RAB11FIP4: variants seen among roughly 807,000 people sequenced by gnomAD.
RAB11FIP4 encodes the protein rab11 family-interacting protein 4.
RAB11FIP4 carries 23 observed loss-of-function variants against 74.3 expected under a neutral mutation model. The observed-to-expected ratio is 0.31, with a 90% CI of 0.22 to 0.44. The LOEUF is 0.44. Ranked by LOEUF, RAB11FIP4 falls within the 20% of genes least tolerant of loss-of-function variation. The pLI is 1.00. For missense variants in RAB11FIP4, 630 were observed against 863.9 expected (o/e 0.73, Z 3.39); for synonymous variants, 360 against 359.9 (o/e 1.00, Z 0.00).
At chr17:31,509,765 G>T (rs993113533) in intron 3 of RAB11FIP4, among the ~76,000 whole-genome samples, 3 of 152,284 alleles carry the variant, frequency 2.0e-5, no homozygotes, top group South Asian at 4.2e-4. Context: ...CTCGTGACCT[G>T]GCGACCTGGT....
chr17:31,435,591 C>T (rs2071349870), intron 3 of RAB11FIP4, among the ~76,000 whole-genome samples: 1 of 152,212 alleles, frequency 6.6e-6, no homozygotes, highest in South Asian at 2.1e-4. Flanking sequence ...GGTGCCTCCT[C>T]TGGACCCCAA....
intron 8 of RAB11FIP4, 22 bp from the exon 9 acceptor site, chr17:31,523,871 C>G: frequency 1.3e-6 from 2 of 1,578,536 alleles, no homozygotes; most frequent in Non-Finnish European, 1.7e-6. Context: ...CTTCTCCACC[C>G]CACCCCGGCC....
intron 3 of RAB11FIP4, among the ~76,000 whole-genome samples, chr17:31,458,512 G>T (rs549883367): frequency 6.6e-6 from 1 of 152,230 alleles, no homozygotes; most frequent in African/African-American, 2.4e-5. Flanking sequence ...GAAGAGGCAG[G>T]TGGCACTGAG....
chr17:31,522,164 C>T (rs904662690), intron 6 of RAB11FIP4, 115 bp downstream of exon 6: 1 of 1,428,778 alleles, frequency 7.0e-7, no homozygotes, highest in African/African-American at 1.4e-5. Flanking sequence ...TGAGAGCTCT[C>T]AGAGGAGGGT....
intron 3 of RAB11FIP4, among the ~76,000 whole-genome samples, chr17:31,497,197 C>G (rs1043160886): frequency 7.2e-5 from 11 of 152,114 alleles, no homozygotes; most frequent in Non-Finnish European, 1.5e-5. Flanking sequence ...AACCCCATCT[C>G]TACTGAAAAT....
intron 1 of RAB11FIP4, among the ~76,000 whole-genome samples, chr17:31,429,828 C>CCAAA: frequency 1.2e-5 from 1 of 80,318 alleles, no homozygotes; most frequent in Non-Finnish European, 2.4e-5. Flanking sequence ...GATTCCATCT[C>CCAAA]AAAAAAAAAA....
intron 3 of RAB11FIP4, among the ~76,000 whole-genome samples, chr17:31,511,213 C>T (rs73988079): frequency 0.045 from 6,922 of 152,174 alleles, 499 homozygotes; most frequent in African/African-American, 0.16. Flanking sequence ...AATGGTGGAG[C>T]AGGGCTCTGG....
At chr17:31,513,711 G>A (rs756952986) in intron 3 of RAB11FIP4, among the ~76,000 whole-genome samples, 3 of 152,248 alleles carry the variant, frequency 2.0e-5, no homozygotes, top group South Asian at 4.1e-4. Context: ...ATTTCCGATT[G>A]CCTTGGACAA....
chr17:31,523,841 G>T, intron 8 of RAB11FIP4, 52 bp from the exon 9 acceptor site: 1 of 1,392,392 alleles, frequency 7.2e-7, no homozygotes, highest in Non-Finnish European at 1.0e-6. Context: ...CGAGGTTCTC[G>T]GTTCTGTGGC....
At position 31,415,502 on chromosome 17, in the gene RAB11FIP4, G is replaced by A. The variant is rs151026897; in HGVS notation, c.160-16311G>A. Among the ~76,000 whole-genome samples, 420 of 152,196 alleles carry A rather than the reference G, an allele frequency of 2.8e-3. 5 individuals carry two copies. The highest frequency in any genetic ancestry group is 6.8e-3 in the Middle Eastern group (2 of 294). ...ATTTTTCTCCCAGTCCTCTGACCCC[G>A]TCTGCTTCTCCACTCTGGTTTTCTT... On this transcript the variant is annotated intron_variant, in intron 1 of 14. Transcript: ENST00000621161.
chr17:31,479,690 G>A (rs745387269), intron 3 of RAB11FIP4, among the ~76,000 whole-genome samples: 1 of 152,148 alleles, frequency 6.6e-6, no homozygotes, highest in Non-Finnish European at 1.5e-5. Context: ...ATCATACCTG[G>A]GTGGAGTTTT....
chr17:31,508,331 A>C (rs2072390885), intron 3 of RAB11FIP4, among the ~76,000 whole-genome samples: 1 of 152,174 alleles, frequency 6.6e-6, no homozygotes, highest in African/African-American at 2.4e-5. Flanking sequence ...CCCACACCCC[A>C]CAACTTGAGT....
intron 1 of RAB11FIP4, among the ~76,000 whole-genome samples, chr17:31,393,625 C>T (rs1471135214): frequency 1.3e-5 from 2 of 152,200 alleles, no homozygotes; most frequent in East Asian, 3.9e-4. Flanking sequence ...TAGTCATCAC[C>T]GTTCTGCACG....
At chr17:31,446,657 C>G (rs116507115) in intron 3 of RAB11FIP4, among the ~76,000 whole-genome samples, 1 of 151,720 alleles carries the variant, frequency 6.6e-6, no homozygotes, top group African/African-American at 2.4e-5. Flanking sequence ...ACCCCCCCCA[C>G]GTCTTTGGGG....
intron 3 of RAB11FIP4, among the ~76,000 whole-genome samples, chr17:31,487,360 C>T (rs953464946): frequency 2.6e-5 from 4 of 152,292 alleles, no homozygotes; most frequent in Non-Finnish European, 5.9e-5. Flanking sequence ...CCTCAAAGAT[C>T]CTCCGCCTCG....
At chr17:31,419,470 T>C (rs1303543186) in intron 1 of RAB11FIP4, among the ~76,000 whole-genome samples, 3 of 151,986 alleles carry the variant, frequency 2.0e-5, no homozygotes. Flanking sequence ...CATATATATC[T>C]CCTGGATTCG....
chr17:31,445,558 ATATATATATATATATATATATTTTTT>A (rs1281381871), intron 3 of RAB11FIP4, among the ~76,000 whole-genome samples: 171 of 13,756 alleles, frequency 0.012, 6 homozygotes, highest in East Asian at 0.054. Context: ...ATATATATAT[ATATATATATATATATATATATTTTTT>A]TTTTTTTTTT....
chr17:31,471,879 G>A (rs545971502), intron 3 of RAB11FIP4, among the ~76,000 whole-genome samples: 4 of 152,128 alleles, frequency 2.6e-5, no homozygotes, highest in African/African-American at 9.6e-5. Flanking sequence ...GCAGAGTCAC[G>A]GGGCCGGGCG....
chr17:31,428,927 G>A (rs1348178220), intron 1 of RAB11FIP4, among the ~76,000 whole-genome samples: 4 of 152,028 alleles, frequency 2.6e-5, no homozygotes, highest in Admixed American at 2.6e-4. Flanking sequence ...GGGCAATAAT[G>A]TGAGGACATG....
Sources: gnomAD v4.1 joint callset for allele counts (sites outside exome capture counted in the v4.1 genomes callset) on GRCh38, gnomAD v4.1.1 for gene constraint, MANE v1.5 for transcripts, NCBI Gene and HGNC (gene_info 2026-07-23, HGNC 2026-07-21) for gene names.